Variants in CDKN2B-AS1 observed in about 807,000 individuals in gnomAD.
CDKN2B-AS1 encodes CDKN2B antisense RNA 1 (non-protein coding).
intron 4 of CDKN2B-AS1, among the ~76,000 whole-genome samples, chr9:22,122,835 C>T (rs1034626018): frequency 3.9e-5 from 6 of 152,138 alleles, no homozygotes; most frequent in African/African-American, 1.4e-4. Flanking sequence ...AGTGTGATAA[C>T]TCCAGCTTTG....
intron 4 of CDKN2B-AS1, chr9:22,112,532 A>C (rs893162544): frequency 6.6e-6 from 1 of 152,168 alleles, no homozygotes; most frequent in Admixed American, 6.6e-5. Flanking sequence ...AAAAACATGG[A>C]TATTTTCTTG....
rs199554989 is a variant in CDKN2B-AS1, at chr9:21,997,505, A to G, written n.29+2344A>G. 1.6e-4 allele frequency among the ~76,000 whole-genome samples: 22 copies of G among 134,954 alleles called. 1 individual carries two copies. Among genetic ancestry groups the G allele is most frequent in the African/African-American group, 4.4e-4 (17 of 38,860 alleles). 88.5% of individuals were successfully genotyped at this position (134,954 alleles called of 152,430 possible). ...GGAGAGAGAGAGAGAGAGAGAGAGA[A>G]AGAGAAAGAGAGAAAATACTTATTT... On this transcript the variant is annotated intron_variant and non_coding_transcript_variant, in intron 1 of 4. Coordinates refer to ENST00000650946, the Ensembl canonical transcript of CDKN2B-AS1. This position sits in a 1 kb window ranked among gnomAD's most constrained non-coding sequence, Gnocchi z 4.8.
intron 4 of CDKN2B-AS1, among the ~76,000 whole-genome samples, chr9:22,062,638 G>T (rs980449171): frequency 4.6e-5 from 7 of 152,026 alleles, no homozygotes; most frequent in Non-Finnish European, 1.0e-4. Flanking sequence ...AGATATCGTT[G>T]GCTCTAAAAT....
intron 1 of CDKN2B-AS1, among the ~76,000 whole-genome samples, chr9:22,014,561 T>C (rs911869601): frequency 6.6e-6 from 1 of 152,206 alleles, no homozygotes; most frequent in Non-Finnish European, 1.5e-5. Flanking sequence ...TTTTGAAATG[T>C]ATTTATAAAT....
intron 4 of CDKN2B-AS1, among the ~76,000 whole-genome samples, chr9:22,082,918 T>G (rs180803796): frequency 1.5e-4 from 23 of 152,176 alleles, no homozygotes; most frequent in Admixed American, 1.1e-3. Context: ...CTCATGATAG[T>G]GATCATTAGA....
chr9:22,077,210 G>A (rs1056530537), intron 4 of CDKN2B-AS1, among the ~76,000 whole-genome samples: 1 of 151,468 alleles, frequency 6.6e-6, no homozygotes, highest in Non-Finnish European at 1.5e-5. Flanking sequence ...TTTGTATCTG[G>A]CATATTTTAC....
intron 1 of CDKN2B-AS1, among the ~76,000 whole-genome samples, chr9:22,014,893 G>T (rs1821672737): frequency 6.6e-6 from 1 of 151,584 alleles, no homozygotes; most frequent in Non-Finnish European, 1.5e-5. Flanking sequence ...AGTTTACTGA[G>T]AATAATGATT....
At chr9:22,102,188 A>G (rs1053501006) in intron 4 of CDKN2B-AS1, among the ~76,000 whole-genome samples, 3 of 152,102 alleles carry the variant, frequency 2.0e-5, no homozygotes, top group African/African-American at 7.2e-5. Flanking sequence ...TGAATTGCAC[A>G]TTTGCTCTTG....
At chr9:22,116,710 GAGGCTGATTGGAGAAAT>G (rs1825957880) in intron 4 of CDKN2B-AS1, among the ~76,000 whole-genome samples, 1 of 152,218 alleles carries the variant, frequency 6.6e-6, no homozygotes, top group South Asian at 2.1e-4. Context: ...GGATGAAAGG[GAGGCTGATTGGAGAAAT>G]AGGCAGTGCT....
At chr9:21,994,977 C>G (rs1210706606), upstream of CDKN2B-AS1, 1 of 152,344 alleles carries the variant, frequency 6.6e-6, no homozygotes, top group East Asian at 1.9e-4. Flanking sequence ...GAGGTCATCT[C>G]ATTGCTCTAT....
intron 4 of CDKN2B-AS1, among the ~76,000 whole-genome samples, chr9:22,086,542 T>G (rs542485211): frequency 6.6e-6 from 1 of 152,230 alleles, no homozygotes; most frequent in African/African-American, 2.4e-5. Flanking sequence ...TCTACTAGAG[T>G]TCAATAATAT....
chr9:22,112,042 T>C (rs1825817851), intron 4 of CDKN2B-AS1: 1 of 152,178 alleles, frequency 6.6e-6, no homozygotes, highest in African/African-American at 2.4e-5. Context: ...ACAGTAAGTA[T>C]TTTCAAAGGA....
chr9:22,011,555 C>T (rs1821510273), intron 1 of CDKN2B-AS1, among the ~76,000 whole-genome samples: 1 of 152,000 alleles, frequency 6.6e-6, no homozygotes, highest in Non-Finnish European at 1.5e-5. Flanking sequence ...GTCTTTTTAC[C>T]CTTTATACTA....
chr9:22,055,167 ATATT>A (rs1307752888), intron 3 of CDKN2B-AS1, among the ~76,000 whole-genome samples: 2 of 152,190 alleles, frequency 1.3e-5, no homozygotes, highest in African/African-American at 4.8e-5. Context: ...AAAATTCTAT[ATATT>A]TATTGTGTAC....
At chr9:22,035,406 G>A (rs1278299782) in intron 1 of CDKN2B-AS1, among the ~76,000 whole-genome samples, 1 of 152,130 alleles carries the variant, frequency 6.6e-6, no homozygotes, top group Non-Finnish European at 1.5e-5. Flanking sequence ...AGATATGGGT[G>A]CATGTGTTTG....
chr9:22,048,068 T>G (rs1267127844), intron 2 of CDKN2B-AS1, among the ~76,000 whole-genome samples: 1 of 152,116 alleles, frequency 6.6e-6, no homozygotes, highest in African/African-American at 2.4e-5. Context: ...GTGCTGGGAT[T>G]ACAGGCGTGA....
intron 4 of CDKN2B-AS1, among the ~76,000 whole-genome samples, chr9:22,091,089 T>C (rs1166134917): frequency 6.6e-6 from 1 of 152,242 alleles, no homozygotes; most frequent in Non-Finnish European, 1.5e-5. Context: ...AGGGAATCCT[T>C]TCCCCATTGC....
At chr9:22,066,295 C>T (rs1166841992) in intron 4 of CDKN2B-AS1, 2 of 151,892 alleles carry the variant, frequency 1.3e-5, no homozygotes. Flanking sequence ...CTCACTGCAA[C>T]CTTGAACTCC....
At chr9:22,060,117 T>G (rs994725494) in intron 4 of CDKN2B-AS1, among the ~76,000 whole-genome samples, 3 of 152,230 alleles carry the variant, frequency 2.0e-5, no homozygotes, top group African/African-American at 2.4e-5. Context: ...TTAGGCCCCA[T>G]GCTACTTATG....
Sources: gnomAD v4.1 joint callset for allele counts (sites outside exome capture counted in the v4.1 genomes callset) on GRCh38, gnomAD v4.1.1 for gene constraint, Gnocchi (gnomAD v3.1) non-coding constraint, MANE v1.5 for transcripts, NCBI Gene and HGNC (gene_info 2026-07-23, HGNC 2026-07-21) for gene names.